VEGFC: variants seen among roughly 807,000 people sequenced by gnomAD.
VEGFC encodes vascular endothelial growth factor C.
Under a neutral mutation model 46.1 loss-of-function variants are expected in VEGFC, and 12 were observed. That is an observed-to-expected ratio of 0.26 (90% CI 0.17 to 0.42). VEGFC has a LOEUF of 0.42. VEGFC is among the 10% of genes least tolerant of loss of function. VEGFC has a pLI of 1.00. For missense variants in VEGFC, 488 were observed against 529.4 expected (o/e 0.92, Z 0.77); for synonymous variants, 232 against 195.5 (o/e 1.19, Z -1.56).
chr4:176,697,747 A>G (rs1189117015), intron 4 of VEGFC, among the ~76,000 whole-genome samples: 5 of 151,586 alleles, frequency 3.3e-5, no homozygotes, highest in Non-Finnish European at 5.9e-5. Flanking sequence ...AATGTCCAAC[A>G]ATGATAGACT....
At chr4:176,748,461 A>T (rs930687243) in intron 1 of VEGFC, among the ~76,000 whole-genome samples, 4 of 152,026 alleles carry the variant, frequency 2.6e-5, no homozygotes, top group African/African-American at 9.7e-5. Context: ...GAATTAAACA[A>T]ATAGTAGTGT....
chr4:176,747,609 C>G (rs1735278737), intron 1 of VEGFC, among the ~76,000 whole-genome samples: 1 of 151,946 alleles, frequency 6.6e-6, no homozygotes. Flanking sequence ...CTGGGCAATA[C>G]AGCGAGACCC....
At chr4:176,718,649 C>T (rs547458229) in intron 3 of VEGFC, among the ~76,000 whole-genome samples, 2 of 152,220 alleles carry the variant, frequency 1.3e-5, no homozygotes, top group Admixed American at 1.3e-4. Context: ...ACTAAACTGG[C>T]TTCTTTAGTC....
chr4:176,734,341 G>T (rs1735019871), intron 1 of VEGFC, among the ~76,000 whole-genome samples: 1 of 151,754 alleles, frequency 6.6e-6, no homozygotes. Flanking sequence ...ATTATTATCT[G>T]TAATTTTGGC....
Position 176,729,695 on chromosome 4 carries a change from C to G in VEGFC, c.199G>C (p.Asp67His), listed in dbSNP as rs539876211. 1 of 1,612,852 alleles carries G rather than the reference C, an allele frequency of 6.2e-7. No individual in the cohort carries two copies. The highest frequency in any genetic ancestry group is 1.3e-5 in the African/African-American group (1 of 74,864). The change falls in exon 2 of 7, where the codon GAT (aspartate) becomes CAT (histidine). Residue 67 changes from aspartate to histidine, a missense_variant. Physicochemically the swap from Asp to His is moderately conservative, Grantham distance 81. Transcript: ENST00000618562. ...EEQLRSVSSV[D>H]ELMTVLYPEY... ...GGGTAGAGTACAGTCATGAGTTCAT[C>G]TACACTGGACACAGACCGTAACTGC...
In VEGFC at chr4:176,708,592, A is replaced by G. The variant is rs573573670; in HGVS notation, c.704+2907T>C. On this transcript the variant is annotated intron_variant, in intron 4 of 6. Transcript: ENST00000618562. ...TTAAGGACAATATTTTTAAATGGTA[A>G]TTTGTTTTAGTTTTATGCTTATACA... is the stretch of plus-strand genomic sequence containing the variant. Among the ~76,000 whole-genome samples the G allele has an allele frequency of 2.4e-3, 372 of 152,256 alleles. 3 individuals are homozygous for G. Among genetic ancestry groups the G allele is most frequent in the African/African-American group, 8.6e-3 (358 of 41,578 alleles).
intron 1 of VEGFC, among the ~76,000 whole-genome samples, chr4:176,777,069 T>G (rs936120743): frequency 1.9e-4 from 29 of 152,224 alleles, no homozygotes; most frequent in Admixed American, 1.0e-3. Context: ...ATCCCAGCAC[T>G]TTGGGAGGCC....
chr4:176,719,710 A>C (rs1008630830), intron 3 of VEGFC, among the ~76,000 whole-genome samples: 1 of 152,210 alleles, frequency 6.6e-6, no homozygotes, highest in African/African-American at 2.4e-5. Context: ...CTTTTAGTAC[A>C]TAATATGAAG....
At chr4:176,703,277 C>A (rs901447500) in intron 4 of VEGFC, among the ~76,000 whole-genome samples, 1 of 151,896 alleles carries the variant, frequency 6.6e-6, no homozygotes, top group African/African-American at 2.4e-5. Flanking sequence ...ATATACACAA[C>A]GGAGTACTAT....
At chr4:176,745,294 T>C (rs2110885949) in intron 1 of VEGFC, among the ~76,000 whole-genome samples, 1 of 152,260 alleles carries the variant, frequency 6.6e-6, no homozygotes, top group East Asian at 1.9e-4. Context: ...AATTTCTTTT[T>C]TGTTAAAAAA....
At chr4:176,748,942 AT>A (rs1735299505) in intron 1 of VEGFC, among the ~76,000 whole-genome samples, 1 of 152,020 alleles carries the variant, frequency 6.6e-6, no homozygotes, top group South Asian at 2.1e-4. Context: ...CATATGGAAT[AT>A]AAAATAAAAA....
At chr4:176,720,859 A>G (rs966539859) in intron 3 of VEGFC, among the ~76,000 whole-genome samples, 59 of 151,964 alleles carry the variant, frequency 3.9e-4, no homozygotes, top group Non-Finnish European at 6.3e-4. Flanking sequence ...AAAAAAAAAA[A>G]AAAAACCTAG....
At chr4:176,748,760 G>A (rs1735296759) in intron 1 of VEGFC, among the ~76,000 whole-genome samples, 1 of 151,844 alleles carries the variant, frequency 6.6e-6, no homozygotes, top group Admixed American at 6.6e-5. Flanking sequence ...AAAGTAAAGT[G>A]ATATGAACTT....
intron 1 of VEGFC, among the ~76,000 whole-genome samples, chr4:176,759,319 A>C (rs760756792): frequency 6.6e-5 from 10 of 150,928 alleles, no homozygotes; most frequent in Non-Finnish European, 1.5e-4. Flanking sequence ...ATTTGCAAAA[A>C]GATGAATAAA....
intron 1 of VEGFC, among the ~76,000 whole-genome samples, chr4:176,735,333 C>T (rs923197302): frequency 2.0e-5 from 3 of 151,894 alleles, no homozygotes; most frequent in Non-Finnish European, 2.9e-5. Flanking sequence ...ATCATTATTT[C>T]ATCAGGGTAA....
At chr4:176,770,979 T>TACACACAC (rs148140472) in intron 1 of VEGFC, among the ~76,000 whole-genome samples, 14,023 of 148,348 alleles carry the variant, frequency 0.095, 862 homozygotes, top group Middle Eastern at 0.18. Flanking sequence ...AAGTAACTGA[T>TACACACAC]ACACACACAC....
chr4:176,719,429 A>G (rs920146010), intron 3 of VEGFC, among the ~76,000 whole-genome samples: 1 of 152,218 alleles, frequency 6.6e-6, no homozygotes, highest in African/African-American at 2.4e-5. Flanking sequence ...AAACTCAGGA[A>G]AAGCTGCTAC....
rs1471240131 is a variant in VEGFC, at chr4:176,741,057, G to T, written c.148-11311C>A. Among the ~76,000 whole-genome samples the T allele has an allele frequency of 2.1e-4, 32 of 151,988 alleles. 1 individual carries two copies. Among genetic ancestry groups the T allele is most frequent in the African/African-American group, 7.2e-4 (30 of 41,494 alleles). The stretch of plus-strand genomic sequence containing the variant: ...ATTATTTTTATCAATGTAATTAATT[G>T]TTCATTGTCCAATATCTCTTATGTA... On this transcript the variant is annotated intron_variant, in intron 1 of 6. Coordinates refer to ENST00000618562, the MANE Select transcript of VEGFC (RefSeq NM_005429.5).
intron 4 of VEGFC, among the ~76,000 whole-genome samples, chr4:176,703,114 G>A (rs1734463740): frequency 1.3e-5 from 2 of 152,202 alleles, no homozygotes; most frequent in South Asian, 2.1e-4. Flanking sequence ...AATGATGACT[G>A]GGGATTTGGG....
Sources: allele counts gnomAD v4.1 joint callset (sites outside exome capture counted in the v4.1 genomes callset), GRCh38; gene constraint gnomAD v4.1.1; transcripts MANE v1.5; gene names NCBI Gene and HGNC (gene_info 2026-07-23, HGNC 2026-07-21).